HTR3A: variants seen among roughly 807,000 people sequenced by gnomAD.
HTR3A encodes 5-hydroxytryptamine (serotonin) receptor 3A, ionotropic.
A neutral mutation model predicts 54.8 loss-of-function variants in HTR3A; 45 were observed. The ratio of observed to expected loss-of-function variants is 0.82; its 90% CI spans 0.65 to 1.05. The LOEUF (loss-of-function observed/expected upper bound fraction) is 1.05. Among genes scored for constraint, HTR3A ranks in the 50% least tolerant of loss-of-function variants. The pLI is 0.00. For missense variants in HTR3A, 657 were observed against 614.0 expected (o/e 1.07, Z -0.74); for synonymous variants, 297 against 256.0 (o/e 1.16, Z -1.53).
intron 1 of HTR3A, chr11:113,977,447 C>G: frequency 8.8e-7 from 1 of 1,130,788 alleles, no homozygotes; most frequent in East Asian, 2.9e-5. Flanking sequence ...CTCGCTTAGG[C>G]CCCGTGGGCC....
At chr11:113,978,052 A>G in intron 2 of HTR3A, 130 bp downstream of exon 2, 1 of 1,073,262 alleles carries the variant, frequency 9.3e-7, no homozygotes, top group Admixed American at 1.8e-5. Context: ...CTGGCACCAC[A>G]GCTCAGGATG....
At chr11:113,984,161 A>C (rs1950460069) in intron 5 of HTR3A, among the ~76,000 whole-genome samples, 1 of 150,544 alleles carries the variant, frequency 6.6e-6, no homozygotes. Flanking sequence ...CAACCCCTCT[A>C]CTCACCCTTC....
At position 113,981,216 on chromosome 11, in the gene HTR3A, A is replaced by G. The variant is rs764607948; in HGVS notation, c.278A>G (p.Glu93Gly). ...YIWYRQYWTDEFLQWNPEDFD... is the reference protein window; with the variant it reads ...YIWYRQYWTDGFLQWNPEDFD... ...CTCCTCCCCTAGTACTGGACTGATG[A>G]GTTTCTCCAGTGGAACCCTGAGGAC... Residue 93 changes from glutamate (E) to glycine (G), a missense_variant, in exon 4 of 9, where the codon GAG becomes GGG. Transcript: ENST00000504030. The G allele has an allele frequency of 6.2e-7, 1 of 1,609,268 alleles. No homozygotes were observed. The highest frequency in any genetic ancestry group is 8.5e-7 in the Non-Finnish European group (1 of 1,175,588).
chr11:113,980,929 C>A, intron 3 of HTR3A: 1 of 469,298 alleles, frequency 2.1e-6, no homozygotes, highest in Non-Finnish European at 3.9e-6. Flanking sequence ...TCTCAGCTGG[C>A]GGAGGGGGAA....
Position 113,975,225 on chromosome 11 carries a change from A to G in HTR3A, c.-101A>G. 3 of 1,141,836 alleles carry G rather than the reference A, an allele frequency of 2.6e-6. No individual in the cohort carries two copies. Among genetic ancestry groups the G allele is most frequent in the Non-Finnish European group, 3.9e-6 (3 of 772,260 alleles). The allele number at this position is 1,141,836 out of a possible 1,614,324, so 70.7% of individuals were successfully genotyped here. A position where few individuals can be genotyped will look rare whatever the true frequency, so the allele number is the denominator to read the frequency against. ...GGTGTGAGCAGTGGCCACGAGAGGC[A>G]GGCTGGCTGGGACATGAGGTTGGCA... On this transcript the variant is annotated 5_prime_UTR_variant, in exon 1 of 9. Coordinates refer to ENST00000504030, the MANE Select transcript of HTR3A (RefSeq NM_000869.6).
chr11:113,987,360 G>A (rs947090148), intron 8 of HTR3A, among the ~76,000 whole-genome samples: 9 of 152,170 alleles, frequency 5.9e-5, no homozygotes, highest in African/African-American at 1.9e-4. Flanking sequence ...GAAGTCAAAC[G>A]GATGCCCCTT....
chr11:113,979,201 G>A (rs201790352), intron 2 of HTR3A, 32 bp from the exon 3 acceptor site: 18 of 1,594,032 alleles, frequency 1.1e-5, no homozygotes, highest in African/African-American at 2.7e-5. Context: ...AGTCCACAGG[G>A]TTACTTGTTC....
Position 113,987,013 on chromosome 11 carries a change from A to G in HTR3A, c.1105A>G (p.Thr369Ala). 6.2e-7 allele frequency: 1 copy of G among 1,613,684 alleles called. No homozygotes were observed. Among genetic ancestry groups the G allele is most frequent in the East Asian group, 2.2e-5 (1 of 44,850 alleles). ...EQSTSQRPPA[T>A]SQATKTDDCS... ...GTCAACTTCCCAGAGGCCCCCAGCC[A>G]CCTCCCAAGCCACCAAGACTGATGA... Residue 369 changes from threonine to alanine, a missense_variant, in exon 8 of 9, where the codon ACC becomes GCC. Coordinates refer to ENST00000504030, the MANE Select transcript of HTR3A (RefSeq NM_000869.6).
In HTR3A at chr11:113,976,726, A is replaced by G. The variant is rs186999945; in HGVS notation, c.68-1045A>G. 3.9e-3 allele frequency among the ~76,000 whole-genome samples: 557 copies of G among 143,654 alleles called. 16 individuals carry two copies. Among genetic ancestry groups the G allele is most frequent in the Non-Finnish European group, 9.9e-4 (66 of 66,464 alleles). 94.2% of individuals were successfully genotyped at this position (143,654 alleles called of 152,430 possible). On this transcript the variant is annotated intron_variant, in intron 1 of 8. Transcript: ENST00000504030. ...ATTTGTTGTACAGGTTGCACACTAGATGAGAGAAGACACAGTCTTGTTTAG... is the reference window on the plus strand; with the variant it reads ...ATTTGTTGTACAGGTTGCACACTAGGTGAGAGAAGACACAGTCTTGTTTAG...
chr11:113,981,057 G>A, intron 3 of HTR3A, 146 bp from the exon 4 acceptor site: 1 of 676,694 alleles, frequency 1.5e-6, no homozygotes, highest in Non-Finnish European at 2.7e-6. Flanking sequence ...TTACTGCTGA[G>A]GGAATTGGGC....
chr11:113,986,271 C>G, intron 6 of HTR3A, 96 bp downstream of exon 6: 1 of 1,493,792 alleles, frequency 6.7e-7, no homozygotes, highest in African/African-American at 1.4e-5. Context: ...AGCCTTTTTC[C>G]AACCCCAGGG....
chr11:113,983,686 A>AT (rs1161547169), intron 5 of HTR3A, among the ~76,000 whole-genome samples: 1 of 152,148 alleles, frequency 6.6e-6, no homozygotes, highest in Admixed American at 6.5e-5. Flanking sequence ...GTAAGGGACA[A>AT]TTTTTTTCCA....
chr11:113,981,082 C>A, intron 3 of HTR3A, 121 bp from the exon 4 acceptor site: 1 of 711,654 alleles, frequency 1.4e-6, no homozygotes. Context: ...CTGACACCAG[C>A]TTCTCCCAGG....
rs750769093 is a variant in HTR3A at position 113,989,428 on chromosome 11, G to T, written c.1139-37G>T. 23 of 1,611,988 alleles carry T rather than the reference G, an allele frequency of 1.4e-5. No individual in the cohort carries two copies. The South Asian group carries it at 2.4e-4, about 17-fold the overall frequency. The stretch of plus-strand genomic sequence containing the variant: ...AACCATGTTCAGGTCACCACCCGGG[G>T]TCTCCCTCTCTTGCCAATGCCCTGC... On this transcript the variant is annotated intron_variant, in intron 8 of 8. Transcript: ENST00000504030. This position sits in a 1 kb window ranked among gnomAD's most constrained non-coding sequence, Gnocchi z 4.4.
rs182208520 is a variant in HTR3A, at chr11:113,984,431, C to T, written c.544+1142C>T. ...AGGAGTTTGAGGCCAGTCTGAGCAA[C>T]ATAATGAGACCCTATAAAAATAAAA... On this transcript the variant is annotated intron_variant, in intron 5 of 8. Transcript: ENST00000504030. 2.9e-3 allele frequency among the ~76,000 whole-genome samples: 441 copies of T among 152,072 alleles called. 1 individual carries two copies. Among genetic ancestry groups the T allele is most frequent in the African/African-American group, 0.01 (430 of 41,464 alleles).
At position 113,986,896 on chromosome 11, in the gene HTR3A, G is replaced by T; in HGVS notation, c.988G>T (p.Val330Leu). ...CGAGACCATCTTCATTGTGCGGCTGGTGCACAAGCAAGACCTGCAGCAGCC... is the reference window on the plus strand; with the variant it reads ...CGAGACCATCTTCATTGTGCGGCTGTTGCACAAGCAAGACCTGCAGCAGCC... ...LAETIFIVRL[V>L]HKQDLQQPVP... is the part of the protein sequence containing the mutation. Residue 330 changes from valine (V) to leucine (L), a missense_variant, in exon 8 of 9, where the codon GTG becomes TTG. Physicochemically the swap from Val to Leu is conservative, Grantham distance 32. Coordinates refer to ENST00000504030, the MANE Select transcript of HTR3A (RefSeq NM_000869.6). 1 of 1,614,144 alleles carries T rather than the reference G, an allele frequency of 6.2e-7. No homozygotes were observed. Among genetic ancestry groups the T allele is most frequent in the African/African-American group, 1.3e-5 (1 of 75,038 alleles).
rs773322275 is a variant in HTR3A, at chr11:113,987,075, A to G, written c.1138+29A>G. 4.4e-6 allele frequency: 7 copies of G among 1,607,470 alleles called. No homozygotes were observed. The African/African-American group carries it at 8.0e-5, about 18-fold the overall frequency. ...AGAAACAGAAGGGAAGAGTCCATAC[A>G]GAGGGGCTGCTTCTGGCTTGGATGT... On this transcript the variant is annotated intron_variant, in intron 8 of 8. Coordinates refer to ENST00000504030, the MANE Select transcript of HTR3A (RefSeq NM_000869.6).
rs769872238 is a variant in HTR3A, at chr11:113,975,375, T to G, written c.50T>G (p.Leu17Arg). 1.2e-5 allele frequency: 19 copies of G among 1,612,744 alleles called. No individual in the cohort carries two copies. The highest frequency in any genetic ancestry group is 1.5e-5 in the Non-Finnish European group (18 of 1,179,988). Reference sequence around the variant, plus strand: ...CTGCTCGCCTTGCTCCTCCCCACACTCCTGGCACAGGGAGAAGGTAAGCAG... The same window carrying G: ...CTGCTCGCCTTGCTCCTCCCCACACGCCTGGCACAGGGAGAAGGTAAGCAG... ...QALLALLLPT[L>R]LAQGEARRSR... Residue 17 changes from leucine to arginine, a missense_variant, in exon 1 of 9, where the codon CTC (leucine) becomes CGC (arginine). Transcript: ENST00000504030.
chr11:113,981,316 A>G lies in HTR3A; in HGVS notation c.374+4A>G, dbSNP rs1950419669. On this transcript the variant is annotated splice_donor_region_variant and intron_variant, in intron 4 of 8. Coordinates refer to ENST00000504030, the MANE Select transcript of HTR3A (RefSeq NM_000869.6). ...CGGACATTCTCATCAATGAGTTGTG[A>G]GTACCGTTATCCATTGTGAGGTGGC... 6.3e-7 allele frequency: 1 copy of G among 1,582,110 alleles called. No individual in the cohort carries two copies. The highest frequency in any genetic ancestry group is 1.1e-5 in the South Asian group (1 of 90,476).
Sources: allele counts gnomAD v4.1 joint callset (sites outside exome capture counted in the v4.1 genomes callset), GRCh38; gene constraint gnomAD v4.1.1; non-coding constraint Gnocchi (gnomAD v3.1); transcripts MANE v1.5; gene names NCBI Gene and HGNC (gene_info 2026-07-23, HGNC 2026-07-21).